The following CCND2 variants were observed in gnomAD, a reference collection of about 807,000 sequenced individuals.
CCND2 encodes G1/S-specific cyclin-D2.
Under a neutral mutation model 30.2 loss-of-function variants are expected in CCND2, and 6 were observed. The ratio of observed to expected loss-of-function variants is 0.20; its 90% CI spans 0.11 to 0.39. CCND2 has a LOEUF of 0.39. CCND2 is among the 10% of genes least tolerant of loss of function. The probability of loss-of-function intolerance (pLI) is 1.00; values close to 1 mark genes in which losing one functional copy is unlikely to be tolerated. For missense variants in CCND2, 235 were observed against 373.4 expected, an observed-to-expected ratio of 0.63 and a Z score of 3.06; for synonymous variants, 150 against 153.1, an observed-to-expected ratio of 0.98 and a Z score of 0.15.
intron 4 of CCND2, among the ~76,000 whole-genome samples, chr12:4,295,601 AC>A (rs1445645071): frequency 2.0e-5 from 3 of 152,066 alleles, no homozygotes; most frequent in Non-Finnish European, 4.4e-5. Flanking sequence ...ATCTGGTGAA[AC>A]CCTGTCTCTA....
intron 3 of CCND2, among the ~76,000 whole-genome samples, chr12:4,288,530 T>A (rs1318066662): frequency 6.6e-6 from 1 of 152,158 alleles, no homozygotes; most frequent in Non-Finnish European, 1.5e-5. Flanking sequence ...GAATGTTAAC[T>A]CAGACATGCT....
Position 4,301,142 on chromosome 12 carries a change from C to G in CCND2, c.*1133C>G. 1 of 233,474 alleles carries G rather than the reference C, an allele frequency of 4.3e-6. No homozygotes were observed. The highest frequency in any genetic ancestry group is 8.5e-6 in the Non-Finnish European group (1 of 117,952). The allele number at this position is 233,474 out of a possible 1,614,324, so 14.5% of individuals were successfully genotyped here. Reference sequence around the variant, plus strand: ...TTGGTACACAGTTCTGGTGTTCCTACCAGGACTCAAGAGACACCCCTTCCT... The same window carrying G: ...TTGGTACACAGTTCTGGTGTTCCTAGCAGGACTCAAGAGACACCCCTTCCT... On this transcript the variant is annotated 3_prime_UTR_variant, in exon 5 of 5. Transcript: ENST00000261254.
rs541133384 is a variant in CCND2 at position 4,274,261 on chromosome 12, G to T, written c.195+26G>T. 13 of 1,611,540 alleles carry T rather than the reference G, an allele frequency of 8.1e-6. No homozygotes were observed. In the African/African-American group the frequency reaches 1.6e-4, roughly 20 times the overall value. On this transcript the variant is annotated intron_variant, in intron 1 of 4. Coordinates refer to ENST00000261254, the MANE Select transcript of CCND2 (RefSeq NM_001759.4). The surrounding 1 kb of genome is among the most constrained non-coding windows in gnomAD (Gnocchi z 7.7). Reference sequence around the variant, plus strand: ...GTAGGTCGGGGGGTGGCGCTCGCCAGGAGCCAGGACCCCTCCGGATGCTCG... The same window carrying T: ...GTAGGTCGGGGGGTGGCGCTCGCCATGAGCCAGGACCCCTCCGGATGCTCG...
intron 3 of CCND2, among the ~76,000 whole-genome samples, chr12:4,280,511 G>T (rs561597758): frequency 6.6e-6 from 1 of 152,358 alleles, no homozygotes; most frequent in Non-Finnish European, 1.5e-5. Context: ...CCTTCCTGCA[G>T]CCCTGGGGGC....
chr12:4,295,517 CTG>C (rs1049516990), intron 4 of CCND2, among the ~76,000 whole-genome samples: 1 of 152,216 alleles, frequency 6.6e-6, no homozygotes, highest in African/African-American at 2.4e-5. Flanking sequence ...TGGCTCATGT[CTG>C]TAATCCTAGC....
chr12:4,302,816 A>T lies in CCND2; in HGVS notation c.*2807A>T, dbSNP rs919805587. On this transcript the variant is annotated 3_prime_UTR_variant, in exon 5 of 5. Coordinates refer to ENST00000261254, the MANE Select transcript of CCND2 (RefSeq NM_001759.4). Reference sequence around the variant, plus strand: ...GTTTAGAAGGGTTCAGGACTTTGTGAGTTAGCATGACCCTAAAATTCTAGG... The same window carrying T: ...GTTTAGAAGGGTTCAGGACTTTGTGTGTTAGCATGACCCTAAAATTCTAGG... The T allele has an allele frequency of 1.3e-5, 3 of 233,138 alleles. No individual in the cohort carries two copies. The highest frequency in any genetic ancestry group is 6.6e-5 in the African/African-American group (3 of 45,338). The allele number at this position is 233,138 out of a possible 1,614,324, so 14.4% of individuals were successfully genotyped here.
intron 4 of CCND2, among the ~76,000 whole-genome samples, chr12:4,290,315 C>T (rs533381750): frequency 1.5e-4 from 23 of 152,290 alleles, no homozygotes; most frequent in African/African-American, 4.1e-4. Flanking sequence ...TTTTAAAATG[C>T]GGGCTCCAAA....
rs965368450 is a variant in CCND2 at position 4,282,044 on chromosome 12, C to T, written c.571+3125C>T. ...CTGGGGAAGCAGAACTGAGCCATAG[C>T]TTCCCTGGTTGCCGCTCTGCTGATA... On this transcript the variant is annotated intron_variant, in intron 3 of 4. Transcript: ENST00000261254. The surrounding 1 kb of genome is among the most constrained non-coding windows in gnomAD (Gnocchi z 4.3). Among the ~76,000 whole-genome samples the T allele has an allele frequency of 2.6e-5, 4 of 152,170 alleles. No homozygotes were observed. The highest frequency in any genetic ancestry group is 2.0e-4 in the Admixed American group (3 of 15,282).
At position 4,287,595 on chromosome 12, in the gene CCND2, A is replaced by G. The variant is rs1263547835; in HGVS notation, c.572-1247A>G. Among the ~76,000 whole-genome samples the G allele has an allele frequency of 5.3e-5, 8 of 152,306 alleles. No homozygotes were observed. In the East Asian group the frequency reaches 1.5e-3, roughly 29 times the overall value. Reference sequence around the variant, plus strand: ...CGTCACTAGCGTGATGGCTGCAACTATACCCACCCTAATATCTGTCAACAC... The same window carrying G: ...CGTCACTAGCGTGATGGCTGCAACTGTACCCACCCTAATATCTGTCAACAC... On this transcript the variant is annotated intron_variant, in intron 3 of 4. Coordinates refer to ENST00000261254, the MANE Select transcript of CCND2 (RefSeq NM_001759.4). This position sits in a 1 kb window ranked among gnomAD's most constrained non-coding sequence, Gnocchi z 4.0.
At chr12:4,275,664 AAGAG>A (rs1863861396) in intron 1 of CCND2, among the ~76,000 whole-genome samples, 1 of 151,298 alleles carries the variant, frequency 6.6e-6, no homozygotes, top group Non-Finnish European at 1.5e-5. Context: ...AAATCCAAAA[AAGAG>A]TGAGTGAGTT....
At chr12:4,294,302 G>A (rs1040330269) in intron 4 of CCND2, among the ~76,000 whole-genome samples, 1 of 152,026 alleles carries the variant, frequency 6.6e-6, no homozygotes, top group African/African-American at 2.4e-5. Context: ...GGGCAAGGGA[G>A]GGGGCCTATC....
intron 3 of CCND2, among the ~76,000 whole-genome samples, chr12:4,283,477 G>A (rs978724950): frequency 1.3e-5 from 2 of 152,114 alleles, no homozygotes; most frequent in Non-Finnish European, 2.9e-5. Flanking sequence ...AGTCTCATCC[G>A]GATCCCAGGC....
chr12:4,294,517 G>T (rs545781840), intron 4 of CCND2, among the ~76,000 whole-genome samples: 1 of 152,170 alleles, frequency 6.6e-6, no homozygotes, highest in Non-Finnish European at 1.5e-5. Flanking sequence ...GATTAGAGGC[G>T]CTTTCGTGTT....
In CCND2 at chr12:4,301,474, T is replaced by C. The variant is rs922377823; in HGVS notation, c.*1465T>C. Reference sequence around the variant, plus strand: ...TAGCAAAGAGGTTGGAGCAACAACTTTTTTTTTTTTTTTTGCACAATTGTA... The same window carrying C: ...TAGCAAAGAGGTTGGAGCAACAACTCTTTTTTTTTTTTTTGCACAATTGTA... On this transcript the variant is annotated 3_prime_UTR_variant, in exon 5 of 5. Transcript: ENST00000261254. 5.6e-6 allele frequency: 1 copy of C among 177,864 alleles called. No individual in the cohort carries two copies. 11.0% of individuals were successfully genotyped at this position (177,864 alleles called of 1,614,324 possible).
intron 4 of CCND2, among the ~76,000 whole-genome samples, chr12:4,289,606 C>G (rs1864070089): frequency 6.6e-6 from 1 of 152,218 alleles, no homozygotes; most frequent in African/African-American, 2.4e-5. Context: ...TTCTGTGTGC[C>G]CTGTGGACGG....
rs1377277303 is a variant in CCND2, at chr12:4,282,483, G to C, written c.571+3564G>C. ...AGGGAGACAGTGGTGGCCCAGAGAAGTTCGATGACTTGGCCCTTGATCTAG... is the reference window on the plus strand; with the variant it reads ...AGGGAGACAGTGGTGGCCCAGAGAACTTCGATGACTTGGCCCTTGATCTAG... On this transcript the variant is annotated intron_variant, in intron 3 of 4. Coordinates refer to ENST00000261254, the MANE Select transcript of CCND2 (RefSeq NM_001759.4). The surrounding 1 kb of genome is among the most constrained non-coding windows in gnomAD (Gnocchi z 4.3). 6.6e-6 allele frequency among the ~76,000 whole-genome samples: 1 copy of C among 152,218 alleles called. No individual in the cohort carries two copies. Among genetic ancestry groups the C allele is most frequent in the Non-Finnish European group, 1.5e-5 (1 of 68,036 alleles).
At position 4,287,042 on chromosome 12, in the gene CCND2, C is replaced by T. The variant is rs1309301592; in HGVS notation, c.572-1800C>T. On this transcript the variant is annotated intron_variant, in intron 3 of 4. Transcript: ENST00000261254. This position sits in a 1 kb window ranked among gnomAD's most constrained non-coding sequence, Gnocchi z 4.0. Reference sequence around the variant, plus strand: ...TGACCCATGTGGAAGAGACCTACAGCAGAGCAAGAGGCAGGGAGGCTGGCT... The same window carrying T: ...TGACCCATGTGGAAGAGACCTACAGTAGAGCAAGAGGCAGGGAGGCTGGCT... Among the ~76,000 whole-genome samples, 2 of 152,200 alleles carry T rather than the reference C, an allele frequency of 1.3e-5. No homozygotes were observed. Among genetic ancestry groups the T allele is most frequent in the African/African-American group, 4.8e-5 (2 of 41,444 alleles).
Position 4,299,300 on chromosome 12 carries a change from C to T in CCND2, c.721-560C>T, listed in dbSNP as rs1864216215. On this transcript the variant is annotated intron_variant, in intron 4 of 4. Coordinates refer to ENST00000261254, the MANE Select transcript of CCND2 (RefSeq NM_001759.4). The surrounding 1 kb of genome is among the most constrained non-coding windows in gnomAD (Gnocchi z 5.2). ...GCTTGAACCCGGAAGGTGGAGGTTGCAGTGAGCCGAGATTGTGCCAGTGCA... is the reference window on the plus strand; with the variant it reads ...GCTTGAACCCGGAAGGTGGAGGTTGTAGTGAGCCGAGATTGTGCCAGTGCA... 6.6e-6 allele frequency among the ~76,000 whole-genome samples: 1 copy of T among 152,168 alleles called. No individual in the cohort carries two copies.
At position 4,274,017 on chromosome 12, in the gene CCND2, G is replaced by A. The variant is rs1225790307; in HGVS notation, c.-24G>A. On this transcript the variant is annotated 5_prime_UTR_variant, in exon 1 of 5. Coordinates refer to ENST00000261254, the MANE Select transcript of CCND2 (RefSeq NM_001759.4). The surrounding 1 kb of genome is among the most constrained non-coding windows in gnomAD (Gnocchi z 7.7). Reference sequence around the variant, plus strand: ...TTTTTCCAGGCCGGGGAAAGCAGGAGGGAGAGGGGCCGCCGGGCTGGCCAT... The same window carrying A: ...TTTTTCCAGGCCGGGGAAAGCAGGAAGGAGAGGGGCCGCCGGGCTGGCCAT... 1 of 1,603,628 alleles carries A rather than the reference G, an allele frequency of 6.2e-7. No homozygotes were observed. Among genetic ancestry groups the A allele is most frequent in the East Asian group, 2.2e-5 (1 of 44,644 alleles).
Sources: gnomAD v4.1 joint callset for allele counts (sites outside exome capture counted in the v4.1 genomes callset) on GRCh38, gnomAD v4.1.1 for gene constraint, Gnocchi (gnomAD v3.1) non-coding constraint, MANE v1.5 for transcripts, NCBI Gene and HGNC (gene_info 2026-07-23, HGNC 2026-07-21) for gene names.